The following RGS6 variants were observed in gnomAD, a reference collection of about 807,000 sequenced individuals.
The protein encoded by RGS6 is regulator of G protein signaling 6.
Under a neutral mutation model 78.5 loss-of-function variants are expected in RGS6, and 30 were observed. The ratio of observed to expected loss-of-function variants is 0.38; its 90% CI spans 0.29 to 0.52. The LOEUF (loss-of-function observed/expected upper bound fraction) is 0.52, where lower values mean the gene tolerates loss of function less well. Ranked by LOEUF, RGS6 falls within the 20% of genes least tolerant of loss-of-function variation. The pLI is 0.85. For synonymous variants in RGS6, 206 were observed against 206.0 expected, an observed-to-expected ratio of 1.00 and a Z score of 0.00; for missense variants, 495 against 609.7, an observed-to-expected ratio of 0.81 and a Z score of 1.98.
chr14:71,929,363 T>C (rs1286469037), upstream of RGS6, among the ~76,000 whole-genome samples: 3 of 152,216 alleles, frequency 2.0e-5, no homozygotes, highest in African/African-American at 7.2e-5. Context: ...GTTATTTGAT[T>C]TTTCTTTCAA....
chr14:72,430,158 G>A (rs1469050585), intron 3 of RGS6, among the ~76,000 whole-genome samples: 1 of 152,102 alleles, frequency 6.6e-6, no homozygotes, highest in African/African-American at 2.4e-5. Context: ...AGTACATATA[G>A]CTCTCAAACT....
the RGS6 span, among the ~76,000 whole-genome samples, chr14:71,907,558 A>G: frequency 1.3e-5 from 2 of 152,116 alleles, no homozygotes; most frequent in African/African-American, 2.4e-5. Flanking sequence ...TTGCTTGTAG[A>G]CCATGTTAAG....
At chr14:72,469,902 T>G (rs1435313217) in intron 7 of RGS6, 105 bp from the exon 8 acceptor site, 5 of 767,190 alleles carry the variant, frequency 6.5e-6, no homozygotes, top group Non-Finnish European at 9.2e-6. Context: ...CTTGCTATTT[T>G]GTTGGAAGTA....
intron 2 of RGS6, among the ~76,000 whole-genome samples, chr14:72,158,694 A>G (rs555875701): frequency 6.6e-6 from 1 of 152,290 alleles, no homozygotes; most frequent in East Asian, 1.9e-4. Context: ...CACTCTTTTT[A>G]TGTAAGAGGG....
chr14:72,083,914 A>G (rs1337221578), intron 2 of RGS6, among the ~76,000 whole-genome samples: 2 of 152,192 alleles, frequency 1.3e-5, no homozygotes, highest in South Asian at 2.1e-4. Context: ...AGATCATTCA[A>G]GCTTCACAGA....
intron 2 of RGS6, among the ~76,000 whole-genome samples, chr14:72,004,961 T>A (rs937922359): frequency 2.6e-5 from 4 of 152,206 alleles, no homozygotes; most frequent in African/African-American, 9.6e-5. Flanking sequence ...TAGATAAAAA[T>A]TCATAAAAAG....
At chr14:72,568,600 T>C (rs2097716758), downstream of RGS6, among the ~76,000 whole-genome samples, 1 of 152,218 alleles carries the variant, frequency 6.6e-6, no homozygotes, top group Non-Finnish European at 1.5e-5. Context: ...TCAATAACCC[T>C]GCATTAGGCC....
intron 12 of RGS6, among the ~76,000 whole-genome samples, chr14:72,492,523 G>A (rs1449224242): frequency 9.9e-5 from 15 of 152,176 alleles, no homozygotes; most frequent in African/African-American, 3.1e-4. Flanking sequence ...CCACTTTGGC[G>A]AAAAAGAATT....
chr14:72,626,084 T>C, the RGS6 span, among the ~76,000 whole-genome samples: 1 of 152,232 alleles, frequency 6.6e-6, no homozygotes, highest in African/African-American at 2.4e-5. Flanking sequence ...AGTTACATTA[T>C]CTATTTACGT....
At chr14:71,987,552 G>T (rs1421688530) in intron 2 of RGS6, among the ~76,000 whole-genome samples, 3 of 152,128 alleles carry the variant, frequency 2.0e-5, no homozygotes, top group Non-Finnish European at 4.4e-5. Flanking sequence ...TTCAGAGAGA[G>T]TCTCACTCTG....
At chr14:72,349,393 T>C (rs1049631603) in intron 2 of RGS6, among the ~76,000 whole-genome samples, 1 of 152,104 alleles carries the variant, frequency 6.6e-6, no homozygotes, top group African/African-American at 2.4e-5. Flanking sequence ...TCCCTGTTCA[T>C]ATCACATTCA....
intron 2 of RGS6, among the ~76,000 whole-genome samples, chr14:72,288,141 A>C (rs563524402): frequency 5.9e-5 from 9 of 152,216 alleles, no homozygotes; most frequent in African/African-American, 2.2e-4. Flanking sequence ...TCCTTCAGTT[A>C]TTTTTTTAAG....
chr14:72,139,906 T>G (rs1249297313), intron 2 of RGS6, among the ~76,000 whole-genome samples: 1 of 152,126 alleles, frequency 6.6e-6, no homozygotes, highest in Non-Finnish European at 1.5e-5. Flanking sequence ...AAAAATCACA[T>G]GAGAAATGAT....
At chr14:72,432,592 A>C (rs555831524) in intron 3 of RGS6, among the ~76,000 whole-genome samples, 2 of 152,348 alleles carry the variant, frequency 1.3e-5, no homozygotes, top group East Asian at 3.9e-4. Context: ...TTCTTAGAAC[A>C]GTAACCTCAT....
chr14:72,609,649 G>A, the RGS6 span, among the ~76,000 whole-genome samples: 7 of 152,326 alleles, frequency 4.6e-5, no homozygotes, highest in Non-Finnish European at 7.3e-5. Flanking sequence ...CAGAGGACAA[G>A]GGTGGCACAC....
At chr14:72,276,193 TAA>T (rs897247681) in intron 2 of RGS6, among the ~76,000 whole-genome samples, 36 of 151,598 alleles carry the variant, frequency 2.4e-4, no homozygotes, top group African/African-American at 8.5e-4. Flanking sequence ...ATGAATGCTT[TAA>T]AAAAAAAATT....
chr14:71,908,838 G>T, the RGS6 span, among the ~76,000 whole-genome samples: 1 of 152,176 alleles, frequency 6.6e-6, no homozygotes, highest in African/African-American at 2.4e-5. Flanking sequence ...CCATCTTGAA[G>T]TGAGTAGCGA....
chr14:72,493,945 G>A (rs939357821), intron 12 of RGS6, among the ~76,000 whole-genome samples: 2 of 152,176 alleles, frequency 1.3e-5, no homozygotes, highest in Non-Finnish European at 2.9e-5. Context: ...AACACAATCA[G>A]GGAGTAAAAG....
chr14:71,867,994 G>A, the RGS6 span, among the ~76,000 whole-genome samples: 4 of 152,162 alleles, frequency 2.6e-5, no homozygotes, highest in African/African-American at 9.7e-5. Flanking sequence ...GAGGCCTGTT[G>A]AGACCATCAT....
Sources: allele counts gnomAD v4.1 joint callset (sites outside exome capture counted in the v4.1 genomes callset), GRCh38; gene constraint gnomAD v4.1.1; transcripts MANE v1.5; gene names NCBI Gene and HGNC (gene_info 2026-07-23, HGNC 2026-07-21).